CABIN1: variants seen among roughly 807,000 people sequenced by gnomAD.
CABIN1 encodes the protein calcineurin-binding protein cabin-1.
CABIN1 carries 133 observed loss-of-function variants against 227.7 expected under a neutral mutation model. The ratio of observed to expected loss-of-function variants is 0.58; its 90% CI spans 0.51 to 0.67. CABIN1 has a LOEUF of 0.67. Ranked by LOEUF, CABIN1 falls within the 30% of genes least tolerant of loss-of-function variation. The pLI, the probability that CABIN1 is intolerant of heterozygous loss-of-function variation, is 0.00. For missense variants in CABIN1, 2,408 were observed against 2,852.5 expected, an observed-to-expected ratio of 0.84 and a Z score of 3.55; for synonymous variants, 1,086 against 1,155.1, an observed-to-expected ratio of 0.94 and a Z score of 1.21.
intron 15 of CABIN1, among the ~76,000 whole-genome samples, chr22:24,066,136 T>C (rs916407780): frequency 3.9e-5 from 6 of 152,212 alleles, no homozygotes; most frequent in Non-Finnish European, 7.3e-5. Flanking sequence ...TTGACCTGTT[T>C]CTGAGGAACA....
intron 30 of CABIN1, among the ~76,000 whole-genome samples, chr22:24,165,063 G>C (rs1203646111): frequency 6.6e-6 from 1 of 152,202 alleles, no homozygotes; most frequent in African/African-American, 2.4e-5. Flanking sequence ...GGGGATCCTG[G>C]AAGAGACGCA....
In CABIN1 at chr22:24,060,093, C is replaced by T; in HGVS notation, c.1569C>T (p.Thr523=). 1 of 1,614,014 alleles carries T rather than the reference C, an allele frequency of 6.2e-7. No homozygotes were observed. The highest frequency in any genetic ancestry group is 8.5e-7 in the Non-Finnish European group (1 of 1,180,022). ...ACCACAGCTGGAGGAGGCACAGCACCAGCCTGCCCAACCCGCTGCTGAGGG... is the reference window on the plus strand; with the variant it reads ...ACCACAGCTGGAGGAGGCACAGCACTAGCCTGCCCAACCCGCTGCTGAGGG... ...SVYHSWRRHS[T]SLPNPLLRDC... The change falls in exon 12 of 37, where the codon ACC becomes ACT. Residue 523 remains threonine, a synonymous_variant. Transcript: ENST00000263119.
At chr22:24,176,948 C>T (rs2047149193) in intron 35 of CABIN1, among the ~76,000 whole-genome samples, 2 of 152,220 alleles carry the variant, frequency 1.3e-5, no homozygotes, top group South Asian at 4.1e-4. Flanking sequence ...CGAGCCAGGC[C>T]AGCCGGGTCC....
chr22:24,039,228 G>A (rs2037163713), intron 4 of CABIN1, among the ~76,000 whole-genome samples: 1 of 152,148 alleles, frequency 6.6e-6, no homozygotes, highest in African/African-American at 2.4e-5. Flanking sequence ...AAGCTCCATG[G>A]GTATTTACTG....
intron 6 of CABIN1, among the ~76,000 whole-genome samples, chr22:24,043,585 C>T (rs1189648043): frequency 6.6e-6 from 1 of 151,982 alleles, no homozygotes; most frequent in Non-Finnish European, 1.5e-5. Flanking sequence ...AACCCTGTCT[C>T]TTCAAAAAAT....
rs1569312416 is a variant in CABIN1 at position 24,167,087 on chromosome 22, C to T, written c.5456C>T (p.Ala1819Val). The stretch of plus-strand genomic sequence containing the variant: ...ACCCCGCTCACCCCAGCCCAGCCAG[C>T]CCCCGCCCCCGCCCCCGCCACCACC... ...QPTPLTPAQP[A>V]PAPAPATTTG... Residue 1819 changes from alanine to valine, a missense_variant, in exon 32 of 37, where the codon GCC becomes GTC. Transcript: ENST00000263119. 3 of 1,543,370 alleles carry T rather than the reference C, an allele frequency of 1.9e-6. No homozygotes were observed. Among genetic ancestry groups the T allele is most frequent in the African/African-American group, 2.7e-5 (2 of 72,926 alleles).
chr22:24,083,224 A>C lies in CABIN1; in HGVS notation c.2749-4A>C. ...CCTCAGGCCATCTCTTCTGCCCACC[A>C]CAGGTGCGAGTACTCCAGAAGGAAC... On this transcript the variant is annotated splice_region_variant and splice_polypyrimidine_tract_variant and intron_variant, in intron 19 of 36. Coordinates refer to ENST00000263119, the MANE Select transcript of CABIN1 (RefSeq NM_012295.4). 6.2e-7 allele frequency: 1 copy of C among 1,612,180 alleles called. No individual in the cohort carries two copies. Among genetic ancestry groups the C allele is most frequent in the Non-Finnish European group, 8.5e-7 (1 of 1,179,968 alleles).
chr22:24,081,521 A>C (rs1253841375), intron 19 of CABIN1, among the ~76,000 whole-genome samples: 2 of 152,006 alleles, frequency 1.3e-5, no homozygotes, highest in African/African-American at 4.8e-5. Flanking sequence ...CCTTTTAAAA[A>C]CCAGTCTTTC....
intron 1 of CABIN1, among the ~76,000 whole-genome samples, chr22:24,023,472 G>A (rs1297152523): frequency 6.6e-6 from 1 of 152,164 alleles, no homozygotes. Flanking sequence ...GTTTTCCACA[G>A]GGGCTGGACC....
chr22:24,106,424 G>T (rs1329171419), intron 26 of CABIN1, among the ~76,000 whole-genome samples: 1 of 152,200 alleles, frequency 6.6e-6, no homozygotes, highest in Non-Finnish European at 1.5e-5. Context: ...TCAGGAATGG[G>T]GGTGGCTCTG....
chr22:24,053,147 G>A (rs1244401070), intron 8 of CABIN1, among the ~76,000 whole-genome samples: 3 of 144,572 alleles, frequency 2.1e-5, no homozygotes, highest in Non-Finnish European at 3.0e-5. Flanking sequence ...GCACAATCTC[G>A]GCTCACTGCA....
chr22:24,089,785 G>A (rs947536060), intron 23 of CABIN1, among the ~76,000 whole-genome samples: 3 of 152,232 alleles, frequency 2.0e-5, no homozygotes, highest in African/African-American at 7.2e-5. Flanking sequence ...AGAGGTGGTG[G>A]TGTAGGAGAA....
chr22:24,173,283 A>T (rs947548823), intron 34 of CABIN1: 2 of 152,278 alleles, frequency 1.3e-5, no homozygotes, highest in Admixed American at 6.5e-5. Context: ...TGTGCGCCTG[A>T]GTGGAGGTTG....
At chr22:24,118,717 A>G (rs2043226581) in intron 27 of CABIN1, among the ~76,000 whole-genome samples, 1 of 152,216 alleles carries the variant, frequency 6.6e-6, no homozygotes, top group South Asian at 2.1e-4. Flanking sequence ...GTCTAGCCCA[A>G]GGTCATCCAG....
chr22:24,177,799 G>T lies in CABIN1; in HGVS notation c.6501G>T (p.Glu2167Asp), dbSNP rs754961673. ...CCCCCAAAGGCAGCATCTCGGAGGAGACCAAGCAGAAGCTGAAGGTGACCT... is the reference window on the plus strand; with the variant it reads ...CCCCCAAAGGCAGCATCTCGGAGGATACCAAGCAGAAGCTGAAGGTGACCT... The part of the protein sequence containing the change: ...LLSPKGSISE[E>D]TKQKLKSAIL... The change falls in exon 36 of 37, where the codon GAG becomes GAT. Residue 2167 changes from glutamate (E) to aspartate (D), a missense_variant. Physicochemically the swap from Glu to Asp is conservative, Grantham distance 45. Around this residue, in one of 3 missense-constraint regions of CABIN1, gnomAD observed 714 missense variants for 773.8 expected, o/e 0.92. Coordinates refer to ENST00000263119, the MANE Select transcript of CABIN1 (RefSeq NM_012295.4). The surrounding 1 kb of genome is among the most constrained non-coding windows in gnomAD (Gnocchi z 4.4). The T allele has an allele frequency of 1.9e-6, 3 of 1,607,514 alleles. No individual in the cohort carries two copies. In the African/African-American group the frequency reaches 4.0e-5, roughly 22 times the overall value.
intron 29 of CABIN1, chr22:24,156,206 C>T (rs1436183273): frequency 7.7e-6 from 3 of 389,250 alleles, no homozygotes; most frequent in East Asian, 7.3e-5. Flanking sequence ...TCAATCGTCC[C>T]CTGGTGGGCT....
intron 29 of CABIN1, among the ~76,000 whole-genome samples, chr22:24,142,931 C>T (rs1385244104): frequency 1.3e-5 from 2 of 152,104 alleles, no homozygotes; most frequent in Non-Finnish European, 1.5e-5. Flanking sequence ...CCAGTTGTGA[C>T]CAATTTTCAT....
intron 27 of CABIN1, among the ~76,000 whole-genome samples, chr22:24,119,047 C>G (rs940422832): frequency 6.6e-6 from 1 of 152,220 alleles, no homozygotes; most frequent in Non-Finnish European, 1.5e-5. Context: ...TACCCCAGCC[C>G]CAGAGGTGGG....
At chr22:24,146,256 A>C (rs1189274830) in intron 29 of CABIN1, among the ~76,000 whole-genome samples, 1 of 152,262 alleles carries the variant, frequency 6.6e-6, no homozygotes, top group Admixed American at 6.5e-5. Context: ...AGAGTAAACA[A>C]AAGAAACACT....
Sources: gnomAD v4.1 joint callset for allele counts (sites outside exome capture counted in the v4.1 genomes callset) on GRCh38, gnomAD v4.1.1 for gene constraint, gnomAD v4.1.1 regional missense constraint, Gnocchi (gnomAD v3.1) non-coding constraint, MANE v1.5 for transcripts, NCBI Gene and HGNC (gene_info 2026-07-23, HGNC 2026-07-21) for gene names.